CHD2: variants seen among roughly 807,000 people sequenced by gnomAD.
CHD2 encodes ATP-dependent chromatin remodeler CHD2.
A neutral mutation model predicts 243.9 loss-of-function variants in CHD2; 28 were observed. The observed-to-expected ratio is 0.11, with a 90% CI of 0.09 to 0.16. The LOEUF (loss-of-function observed/expected upper bound fraction) is 0.16, where lower values mean the gene tolerates loss of function less well. Ranked by LOEUF, CHD2 falls within the 10% of genes least tolerant of loss-of-function variation. The pLI is 1.00. For synonymous variants in CHD2, 775 were observed against 779.0 expected (o/e 0.99, Z 0.09); for missense variants, 1,386 against 2,209.8 (o/e 0.63, Z 7.47).
intron 36 of CHD2, 127 bp from the exon 37 acceptor site, chr15:93,014,569 G>A: frequency 1.3e-6 from 1 of 751,792 alleles, no homozygotes; most frequent in Non-Finnish European, 2.2e-6. Flanking sequence ...TTGTTAGGAG[G>A]TAGTAAACGC....
intron 33 of CHD2, among the ~76,000 whole-genome samples, chr15:93,002,761 A>G (rs2054273611): frequency 2.6e-5 from 4 of 152,218 alleles, no homozygotes; most frequent in Admixed American, 2.0e-4. Context: ...TAACCTTTAC[A>G]TTAGGGGTTT....
intron 19 of CHD2, among the ~76,000 whole-genome samples, chr15:92,973,030 A>G (rs1352028453): frequency 1.3e-5 from 2 of 152,290 alleles, no homozygotes; most frequent in South Asian, 2.1e-4. Flanking sequence ...ATCTTATTGC[A>G]TGTGTATGGT....
intron 12 of CHD2, among the ~76,000 whole-genome samples, chr15:92,948,304 T>C (rs1052297860): frequency 4.6e-5 from 7 of 152,164 alleles, no homozygotes; most frequent in African/African-American, 1.4e-4. Flanking sequence ...AGGCAATGTT[T>C]TGTACTCTTT....
intron 24 of CHD2, among the ~76,000 whole-genome samples, chr15:92,982,298 T>G (rs1053920433): frequency 6.6e-6 from 1 of 152,118 alleles, no homozygotes; most frequent in African/African-American, 2.4e-5. Context: ...TAATGACTAG[T>G]AAAGTAAGTG....
intron 16 of CHD2, 102 bp from the exon 17 acceptor site, chr15:92,967,223 T>C (rs933852152): frequency 8.6e-6 from 7 of 814,148 alleles, no homozygotes; most frequent in African/African-American, 3.5e-5. Context: ...TAGTGATTGA[T>C]AATGTCTTTC....
intron 38 of CHD2, chr15:93,021,531 C>A (rs2054534842): frequency 2.0e-5 from 3 of 152,294 alleles, no homozygotes; most frequent in Non-Finnish European, 4.4e-5. Context: ...TCACAGCTCA[C>A]TTGTATTCTG....
At position 92,950,210 on chromosome 15, in the gene CHD2, A is replaced by C. The variant is rs74029207; in HGVS notation, c.1502+1134A>C. Among the ~76,000 whole-genome samples, 876 of 152,380 alleles carry C rather than the reference A, an allele frequency of 5.7e-3. 14 individuals are homozygous for C. Among genetic ancestry groups the C allele is most frequent in the African/African-American group, 0.02 (834 of 41,592 alleles). ...TATTCCCTTACTATATTTAACAGCC[A>C]CATAGGGCTTAACAAAGAGTTATTA... is the stretch of plus-strand genomic sequence containing the variant. On this transcript the variant is annotated intron_variant, in intron 13 of 38. Transcript: ENST00000394196.
chr15:92,901,841 TCA>T (rs1201884144), intron 2 of CHD2: 4 of 262,662 alleles, frequency 1.5e-5, no homozygotes, highest in East Asian at 6.9e-5. Context: ...CTGATGCCTC[TCA>T]GTTTATATTT....
chr15:92,953,720 C>T, intron 14 of CHD2, 147 bp downstream of exon 14: 2 of 697,278 alleles, frequency 2.9e-6, no homozygotes, highest in Non-Finnish European at 4.7e-6. Context: ...GTTTATCTAT[C>T]ACAAAAGTGC....
At chr15:92,932,002 A>G (rs2053177300) in intron 5 of CHD2, among the ~76,000 whole-genome samples, 1 of 151,874 alleles carries the variant, frequency 6.6e-6, no homozygotes, top group Non-Finnish European at 1.5e-5. Flanking sequence ...AGCTGGGACT[A>G]CAGGCGTGCG....
At chr15:92,904,119 A>G (rs2052571988) in intron 2 of CHD2, among the ~76,000 whole-genome samples, 1 of 152,246 alleles carries the variant, frequency 6.6e-6, no homozygotes, top group African/African-American at 2.4e-5. Flanking sequence ...TGGTGCCGAC[A>G]TAAAAGGCAG....
rs76660362 is a variant in CHD2, at chr15:92,955,312, A to G, written c.1720-111A>G. On this transcript the variant is annotated intron_variant, in intron 14 of 38. Coordinates refer to ENST00000394196, the MANE Select transcript of CHD2 (RefSeq NM_001271.4). ...GAATGTGAGATATTCATTGAATTCT[A>G]ATCAGATTTATTTTTTATTTGGCAT... 4.2e-4 allele frequency: 249 copies of G among 598,066 alleles called. 4 individuals carry two copies. In the East Asian group the frequency reaches 7.7e-3, roughly 18 times the overall value. The allele number at this position is 598,066 out of a possible 1,614,324, so 37.0% of individuals were successfully genotyped here. A position where few individuals can be genotyped will look rare whatever the true frequency, so the allele number is the denominator to read the frequency against.
At chr15:92,947,949 T>C (rs1189612379) in intron 12 of CHD2, among the ~76,000 whole-genome samples, 1 of 152,240 alleles carries the variant, frequency 6.6e-6, no homozygotes, top group Non-Finnish European at 1.5e-5. Context: ...CATGTAACTT[T>C]GAGATACATC....
rs2053970575 is a variant in CHD2 at position 92,980,916 on chromosome 15, TTAAC to T, written c.2973+6_2973+9del. 1.9e-6 allele frequency: 3 copies of T among 1,603,428 alleles called. No homozygotes were observed. The highest frequency in any genetic ancestry group is 2.6e-6 in the Non-Finnish European group (3 of 1,170,772). On this transcript the variant is annotated splice_donor_region_variant and intron_variant, in intron 23 of 38. Coordinates refer to ENST00000394196, the MANE Select transcript of CHD2 (RefSeq NM_001271.4). ...GGGGAGGAATCAGAACCTCAGGTAA[TTAAC>T]AATGAGGAGAGGGAAATTTTTTTGA... is the stretch of plus-strand genomic sequence containing the variant.
At chr15:92,979,362 C>T (rs2053948215) in intron 22 of CHD2, 79 bp downstream of exon 22, 1 of 1,519,514 alleles carries the variant, frequency 6.6e-7, no homozygotes, top group African/African-American at 1.4e-5. Flanking sequence ...GATTTTCTAC[C>T]ACAGACATTA....
At chr15:92,921,785 G>A (rs1273027968) in intron 2 of CHD2, among the ~76,000 whole-genome samples, 3 of 152,182 alleles carry the variant, frequency 2.0e-5, no homozygotes, top group African/African-American at 7.2e-5. Context: ...ACTACTGGTA[G>A]ATGTCACATA....
intron 2 of CHD2, chr15:92,901,969 A>G (rs945558815): frequency 2.7e-6 from 1 of 377,088 alleles, no homozygotes; most frequent in African/African-American, 2.1e-5. Flanking sequence ...CAAATCTGTA[A>G]TAACAGAAAT....
chr15:92,974,767 A>G, intron 19 of CHD2, 112 bp from the exon 20 acceptor site: 1 of 897,422 alleles, frequency 1.1e-6, no homozygotes, highest in Non-Finnish European at 1.8e-6. Context: ...AGTGCTTTGC[A>G]GTTATTTTTA....
At chr15:92,967,275 TC>T in intron 16 of CHD2, 49 bp from the exon 17 acceptor site, 1 of 1,349,280 alleles carries the variant, frequency 7.4e-7, no homozygotes, top group Non-Finnish European at 1.0e-6. Context: ...TTTTTCCTAT[TC>T]TTCTTTTCCT....
Sources: allele counts gnomAD v4.1 joint callset (sites outside exome capture counted in the v4.1 genomes callset), GRCh38; gene constraint gnomAD v4.1.1; transcripts MANE v1.5; gene names NCBI Gene and HGNC (gene_info 2026-07-23, HGNC 2026-07-21).